Variants in HPS3 observed in about 807,000 individuals in gnomAD.
The protein encoded by HPS3 is HPS3 biogenesis of lysosomal organelles complex 2 subunit 1, also known as BLOC-2 complex member HPS3.
Under a neutral mutation model 110.9 loss-of-function variants are expected in HPS3, and 79 were observed. The observed-to-expected ratio is 0.71, with a 90% CI of 0.59 to 0.86. HPS3 has a LOEUF of 0.86. Ranked by LOEUF, HPS3 falls within the 40% of genes least tolerant of loss-of-function variation. HPS3 has a pLI of 0.00. For synonymous variants in HPS3, 428 were observed against 451.0 expected, an observed-to-expected ratio of 0.95 and a Z score of 0.65; for missense variants, 1,197 against 1,206.2, an observed-to-expected ratio of 0.99 and a Z score of 0.11.
chr3:149,147,202 A>G (rs1722829003), intron 5 of HPS3, among the ~76,000 whole-genome samples: 1 of 152,100 alleles, frequency 6.6e-6, no homozygotes, highest in Non-Finnish European at 1.5e-5. Flanking sequence ...GGCAAAAGAG[A>G]TGTTTGGTTT....
At chr3:149,155,988 C>T (rs74527401) in intron 8 of HPS3, among the ~76,000 whole-genome samples, 3,431 of 152,184 alleles carry the variant, frequency 0.023, 148 homozygotes, top group African/African-American at 0.078. Context: ...GAGCTATGGT[C>T]GTACCACTGC....
intron 14 of HPS3, among the ~76,000 whole-genome samples, chr3:149,165,684 AG>A (rs556165381): frequency 1.3e-3 from 200 of 152,234 alleles, no homozygotes; most frequent in African/African-American, 4.6e-3. Context: ...ACTAAGTAAA[AG>A]TTCATGGGTA....
chr3:149,147,354 G>A (rs1722837941), intron 5 of HPS3, among the ~76,000 whole-genome samples: 2 of 152,194 alleles, frequency 1.3e-5, no homozygotes, highest in South Asian at 4.1e-4. Context: ...TATTAAAGTA[G>A]TGAGAGTATG....
chr3:149,167,112 G>A lies in HPS3; in HGVS notation c.2668G>A (p.Gly890Ser), dbSNP rs760447134. The change falls in exon 15 of 17, where the codon GGC (glycine) becomes AGC (serine). Residue 890 changes from glycine to serine, a missense_variant. Gly to Ser is a moderately conservative substitution (Grantham distance 56, BLOSUM62 0). Transcript: ENST00000296051. Reference protein sequence around the residue: ...LEPLSEDTIAGLSVHVLCRTR... With the variant: ...LEPLSEDTIASLSVHVLCRTR... The stretch of plus-strand genomic sequence containing the variant: ...GCCACTTTCAGAAGACACTATTGCC[G>A]GCCTCAGTGTCCATGTTCTGTGTCG... 32 of 1,613,634 alleles carry A rather than the reference G, an allele frequency of 2.0e-5. No individual in the cohort carries two copies. Among genetic ancestry groups the A allele is most frequent in the Middle Eastern group, 1.6e-4 (1 of 6,080 alleles).
Position 149,141,531 on chromosome 3 carries a change from G to GTTT in HPS3, c.970+170_970+172dup, listed in dbSNP as rs10718838. ...GCCCTTTAACAAAGTTTTTTTTTTT[G>GTTT]TTTTTTTTTTTTTTTTTTTTTGAGA... On this transcript the variant is annotated intron_variant, in intron 4 of 16. Transcript: ENST00000296051. 1,081 of 381,726 alleles carry GTTT rather than the reference G, an allele frequency of 2.8e-3. 6 individuals carry two copies. The highest frequency in any genetic ancestry group is 0.018 in the African/African-American group (700 of 38,966). The allele number at this position is 381,726 out of a possible 1,614,324, so 23.6% of individuals were successfully genotyped here. A position where few individuals can be genotyped will look rare whatever the true frequency, so the allele number is the denominator to read the frequency against.
intron 15 of HPS3, 42 bp from the exon 16 acceptor site, chr3:149,167,851 A>G (rs777133486): frequency 7.1e-6 from 8 of 1,121,796 alleles, no homozygotes; most frequent in Admixed American, 1.7e-5. Flanking sequence ...TCTGAGAATA[A>G]AATGCATCAA....
At chr3:149,151,219 A>C (rs1041278448) in intron 6 of HPS3, among the ~76,000 whole-genome samples, 1 of 148,562 alleles carries the variant, frequency 6.7e-6, no homozygotes, top group African/African-American at 2.5e-5. Context: ...TTTTCTGCAG[A>C]GACAGGTTTT....
chr3:149,141,351 C>T lies in HPS3; in HGVS notation c.941C>T (p.Ser314Phe). 6.2e-7 allele frequency: 1 copy of T among 1,613,742 alleles called. No individual in the cohort carries two copies. The highest frequency in any genetic ancestry group is 8.5e-7 in the Non-Finnish European group (1 of 1,179,806). The change falls in exon 4 of 17, where the codon TCC (serine) becomes TTC (phenylalanine). Residue 314 changes from serine to phenylalanine, a missense_variant. Physicochemically the swap from Ser to Phe is radical, Grantham distance 155. Transcript: ENST00000296051. Reference protein sequence around the residue: ...YVLSDDIKLHSLQLLPIYQTG... With the variant: ...YVLSDDIKLHFLQLLPIYQTG... ...TTGTCTGATGACATCAAGCTACATT[C>T]CCTCCAGCTGCTACCCATTTACCAG...
chr3:149,144,675 C>G (rs1209695382), intron 4 of HPS3, among the ~76,000 whole-genome samples: 1 of 152,154 alleles, frequency 6.6e-6, no homozygotes, highest in Non-Finnish European at 1.5e-5. Flanking sequence ...ACATGTTTCT[C>G]TGTCCACTGT....
At chr3:149,157,052 G>A (rs938875785) in intron 8 of HPS3, among the ~76,000 whole-genome samples, 1 of 152,090 alleles carries the variant, frequency 6.6e-6, no homozygotes, top group Non-Finnish European at 1.5e-5. Flanking sequence ...AGATCAAATT[G>A]TTGCTAAGTT....
chr3:149,143,559 TTAG>T lies in HPS3; in HGVS notation c.971-1791_971-1789del, dbSNP rs1373733795. Among the ~76,000 whole-genome samples the T allele has an allele frequency of 6.6e-5, 10 of 152,176 alleles. No individual in the cohort carries two copies. In the East Asian group the frequency reaches 1.9e-3, roughly 29 times the overall value. ...TCCCTAGAATCTGGAACAGCAGCAC[TTAG>T]TAGGTACCTGATGAATGCTGACTGA... On this transcript the variant is annotated intron_variant, in intron 4 of 16. Coordinates refer to ENST00000296051, the MANE Select transcript of HPS3 (RefSeq NM_032383.5).
chr3:149,152,421 G>T (rs1351050064), intron 6 of HPS3, among the ~76,000 whole-genome samples: 1 of 152,140 alleles, frequency 6.6e-6, no homozygotes, highest in East Asian at 1.9e-4. Flanking sequence ...AGAGACAAAG[G>T]GGAGGGATAA....
rs760165214 is a variant in HPS3 at position 149,158,768 on chromosome 3, A to G, written c.1794A>G (p.Gly598=). Residue 598 remains glycine, a synonymous_variant, in exon 10 of 17, where the codon GGA becomes GGG. Coordinates refer to ENST00000296051, the MANE Select transcript of HPS3 (RefSeq NM_032383.5). ...GCACGGACTGGACAGTAGAGGATGG[A>G]TTACAGAAATACGAGAGAGGATTAA... is the stretch of plus-strand genomic sequence containing the variant. ...LARTDWTVED[G]LQKYERGLIF... is the part of the protein sequence containing the mutation. 3 of 1,611,750 alleles carry G rather than the reference A, an allele frequency of 1.9e-6. No homozygotes were observed. In the Admixed American group the frequency reaches 5.0e-5, roughly 27 times the overall value.
Position 149,150,169 on chromosome 3 carries a change from G to C in HPS3, c.1164-430G>C, listed in dbSNP as rs190705485. Among the ~76,000 whole-genome samples the C allele has an allele frequency of 1.4e-4, 21 of 152,318 alleles. No individual in the cohort carries two copies. In the East Asian group the frequency reaches 3.9e-3, roughly 28 times the overall value. On this transcript the variant is annotated intron_variant, in intron 5 of 16. Transcript: ENST00000296051. ...GGATGGATTTCATCATGAGGTGGTT[G>C]AGGAAGAACAACAGTTAAGAAATGG...
chr3:149,139,981 G>T (rs775688097), intron 1 of HPS3, 23 bp from the exon 2 acceptor site: 6 of 1,604,446 alleles, frequency 3.7e-6, no homozygotes, highest in Non-Finnish European at 5.1e-6. Flanking sequence ...CAAATTCTCA[G>T]TATAATCTTC....
intron 1 of HPS3, among the ~76,000 whole-genome samples, chr3:149,136,934 T>C (rs1049980753): frequency 3.3e-5 from 5 of 152,198 alleles, no homozygotes; most frequent in Non-Finnish European, 5.9e-5. Flanking sequence ...TAAATTATGA[T>C]ACCAAAAGTA....
At chr3:149,148,840 G>C (rs569366406) in intron 5 of HPS3, among the ~76,000 whole-genome samples, 13 of 151,880 alleles carry the variant, frequency 8.6e-5, no homozygotes, top group Non-Finnish European at 1.8e-4. Flanking sequence ...ATCTTTCAAT[G>C]CCAGCACATT....
rs780231164 is a variant in HPS3 at position 149,140,369 on chromosome 3, G to A, written c.583G>A (p.Val195Ile). 6.8e-6 allele frequency: 11 copies of A among 1,609,614 alleles called. No homozygotes were observed. Among genetic ancestry groups the A allele is most frequent in the Non-Finnish European group, 9.3e-6 (11 of 1,177,652 alleles). Residue 195 changes from valine to isoleucine, a missense_variant, in exon 2 of 17, where the codon GTT (valine) becomes ATT (isoleucine). Transcript: ENST00000296051. Reference protein sequence around the residue: ...NITPVEVSFCVGYVAVMSDLE... With the variant: ...NITPVEVSFCIGYVAVMSDLE... ...CACTCCTGTTGAGGTTTCTTTTTGT[G>A]TTGGATATGTTGCTGTCATGTCAGA...
At chr3:149,145,191 C>A (rs949621223) in intron 4 of HPS3, among the ~76,000 whole-genome samples, 163 bp from the exon 5 acceptor site, 1 of 152,142 alleles carries the variant, frequency 6.6e-6, no homozygotes, top group African/African-American at 2.4e-5. Context: ...TTATATTACT[C>A]CTTTTTTATT....
Sources: gnomAD v4.1 joint callset for allele counts (sites outside exome capture counted in the v4.1 genomes callset) on GRCh38, gnomAD v4.1.1 for gene constraint, MANE v1.5 for transcripts, NCBI Gene and HGNC (gene_info 2026-07-23, HGNC 2026-07-21) for gene names.